The following FLNB variants were observed in gnomAD, a reference collection of about 807,000 sequenced individuals.
FLNB encodes the protein filamin B.
A neutral mutation model predicts 250.6 loss-of-function variants in FLNB; 111 were observed. The ratio of observed to expected loss-of-function variants is 0.44; its 90% confidence interval spans 0.38 to 0.52. The LOEUF (loss-of-function observed/expected upper bound fraction) is 0.52, where lower values mean the gene tolerates loss of function less well. FLNB is among the 20% of genes least tolerant of loss of function. FLNB has a pLI of 0.00. For synonymous variants in FLNB, 1,302 were observed against 1,372.1 expected, an observed-to-expected ratio of 0.95 and a Z score of 1.13; for missense variants, 2,869 against 3,447.8, an observed-to-expected ratio of 0.83 and a Z score of 4.20.
intron 1 of FLNB, among the ~76,000 whole-genome samples, chr3:58,069,174 C>A (rs1233519720): frequency 6.7e-6 from 1 of 149,418 alleles, no homozygotes; most frequent in African/African-American, 2.5e-5. Context: ...AGACCCCTGA[C>A]CCATATGTGC....
At chr3:58,084,270 G>T (rs1239629039) in intron 4 of FLNB, among the ~76,000 whole-genome samples, 2 of 151,842 alleles carry the variant, frequency 1.3e-5, no homozygotes, top group Middle Eastern at 3.2e-3. Flanking sequence ...GACTTTAAAG[G>T]TTATGCTTCC....
intron 1 of FLNB, among the ~76,000 whole-genome samples, chr3:58,076,546 C>G (rs2097201893): frequency 1.3e-5 from 2 of 152,140 alleles, no homozygotes; most frequent in South Asian, 4.1e-4. Context: ...CTTTCACTTC[C>G]CGGGCTCAAG....
rs566792324 is a variant in FLNB at position 58,157,607 on chromosome 3, G to A, written c.6888+1532G>A. On this transcript the variant is annotated intron_variant, in intron 41 of 45. Coordinates refer to ENST00000295956, the MANE Select transcript of FLNB (RefSeq NM_001457.4). ...TTCATTTAAAGGCTTCTTAACAGAA[G>A]TGTCTTTTGTGGCCAACTTAACTAA... 1.2e-4 allele frequency among the ~76,000 whole-genome samples: 18 copies of A among 152,342 alleles called. No individual in the cohort carries two copies. In the South Asian group the frequency reaches 3.7e-3, roughly 32 times the overall value.
intron 1 of FLNB, among the ~76,000 whole-genome samples, chr3:58,011,212 C>T (rs933309030): frequency 6.6e-6 from 1 of 152,092 alleles, no homozygotes; most frequent in South Asian, 2.1e-4. Flanking sequence ...GCGCCCAGCC[C>T]GGTCCTCCTT....
At chr3:58,066,566 G>T (rs193092412) in intron 1 of FLNB, among the ~76,000 whole-genome samples, 1 of 152,216 alleles carries the variant, frequency 6.6e-6, no homozygotes, top group Admixed American at 6.5e-5. Context: ...TGGAATCCTC[G>T]TTTTGACTTT....
At position 58,143,523 on chromosome 3, in the gene FLNB, A is replaced by G; in HGVS notation, c.5335A>G (p.Asn1779Asp). 1 of 1,614,178 alleles carries G rather than the reference A, an allele frequency of 6.2e-7. No individual in the cohort carries two copies. The highest frequency in any genetic ancestry group is 8.5e-7 in the Non-Finnish European group (1 of 1,180,012). Reference protein sequence around the residue: ...GKTATPEIVDNKDGTVTVRYA... With the variant: ...GKTATPEIVDDKDGTVTVRYA... ...GACAGCCACACCTGAGATTGTGGAC[A>G]ACAAGGACGGCACGGTCACTGTTAG... The change falls in exon 32 of 46, where the codon AAC becomes GAC. Residue 1779 changes from asparagine to aspartate, a missense_variant. Physicochemically the swap from Asn to Asp is conservative, Grantham distance 23 (BLOSUM62 1). This residue lies in a region of FLNB where 1,084 missense variants were observed against 1,315.5 expected (regional missense o/e 0.82). Coordinates refer to ENST00000295956, the MANE Select transcript of FLNB (RefSeq NM_001457.4).
intron 1 of FLNB, among the ~76,000 whole-genome samples, chr3:58,030,040 A>G (rs2097128752): frequency 6.6e-6 from 1 of 152,202 alleles, no homozygotes; most frequent in African/African-American, 2.4e-5. Flanking sequence ...ACACTTCCCC[A>G]ATGGAAAGGG....
In FLNB at chr3:58,102,805, T is replaced by G. The variant is rs146573525; in HGVS notation, c.1483+465T>G. ...TATGTCAAGTACTTAATTACTATGA[T>G]CAGTGCTTATAGAAGGAGAATAAAA... On this transcript the variant is annotated intron_variant, in intron 9 of 45. Coordinates refer to ENST00000295956, the MANE Select transcript of FLNB (RefSeq NM_001457.4). Among the ~76,000 whole-genome samples, 63 of 152,360 alleles carry G rather than the reference T, an allele frequency of 4.1e-4. No individual in the cohort carries two copies. The East Asian group carries it at 9.1e-3, about 22-fold the overall frequency.
chr3:58,011,573 A>C (rs1045281237), intron 1 of FLNB, among the ~76,000 whole-genome samples: 7 of 152,180 alleles, frequency 4.6e-5, no homozygotes, highest in Non-Finnish European at 1.0e-4. Flanking sequence ...TTCTTCCCTA[A>C]GCTCTTGAGG....
Position 58,170,606 on chromosome 3 carries a change from G to T in FLNB, c.7653G>T (p.Gly2551=). 2 of 1,614,094 alleles carry T rather than the reference G, an allele frequency of 1.2e-6. No homozygotes were observed. The highest frequency in any genetic ancestry group is 2.2e-5 in the South Asian group (2 of 91,084). Residue 2551 remains glycine (G), a synonymous_variant, in exon 46 of 46, where the codon GGG becomes GGT. Transcript: ENST00000295956. ...ACATGCTGCTGATCGGGGTCCATGGGCCCACCACCCCCTGCGAGGAGGTCT... is the reference window on the plus strand; with the variant it reads ...ACATGCTGCTGATCGGGGTCCATGGTCCCACCACCCCCTGCGAGGAGGTCT... ...GSNMLLIGVH[G]PTTPCEEVSM...
Position 58,031,543 on chromosome 3 carries a change from C to CTTTTTTT in FLNB, c.292+22706_292+22712dup, listed in dbSNP as rs764190111. Among the ~76,000 whole-genome samples the CTTTTTTT allele has an allele frequency of 3.0e-4, 23 of 77,150 alleles. No homozygotes were observed. The South Asian group carries it at 3.5e-3, about 12-fold the overall frequency. 50.6% of individuals were successfully genotyped at this position (77,150 alleles called of 152,430 possible). A position where few individuals can be genotyped will look rare whatever the true frequency, so the allele number is the denominator to read the frequency against. Reference sequence around the variant, plus strand: ...ACAGACGTGAGCCACCGTGCCCTGCCTTTTTTTTTTTTTTTTTTTTTTTTT... The same window carrying CTTTTTTT: ...ACAGACGTGAGCCACCGTGCCCTGCCTTTTTTTTTTTTTTTTTTTTTTTTTTTTTTTT... On this transcript the variant is annotated intron_variant, in intron 1 of 45. Transcript: ENST00000295956.
At chr3:58,136,812 C>T (rs1030651077) in intron 28 of FLNB, among the ~76,000 whole-genome samples, 12 of 126,544 alleles carry the variant, frequency 9.5e-5, no homozygotes, top group East Asian at 2.9e-4. Flanking sequence ...AGTGCAGTGA[C>T]GCAATCTCAG....
At chr3:58,168,698 G>A in intron 44 of FLNB, 40 bp downstream of exon 44, 2 of 1,432,452 alleles carry the variant, frequency 1.4e-6, no homozygotes, top group Non-Finnish European at 9.8e-7. Flanking sequence ...TCCCTTCCTG[G>A]GGAGCTGGTT....
At chr3:58,131,898 A>C in intron 25 of FLNB, 2 of 1,443,136 alleles carry the variant, frequency 1.4e-6, no homozygotes, top group Non-Finnish European at 1.9e-6. Context: ...ATTATGAAGG[A>C]CTCTCAAGTA....
intron 36 of FLNB, 107 bp downstream of exon 36, chr3:58,148,959 C>G: frequency 9.9e-7 from 1 of 1,010,966 alleles, no homozygotes; most frequent in Non-Finnish European, 1.5e-6. Flanking sequence ...TTCTGAGCAT[C>G]CTTCAAGCTA....
chr3:58,141,573 A>G (rs1320625452), intron 29 of FLNB, among the ~76,000 whole-genome samples: 1 of 152,206 alleles, frequency 6.6e-6, no homozygotes, highest in Non-Finnish European at 1.5e-5. Flanking sequence ...CACAGACAGC[A>G]CCAGTCAAGG....
chr3:58,041,553 A>G (rs1017999330), intron 1 of FLNB, among the ~76,000 whole-genome samples: 8 of 152,182 alleles, frequency 5.3e-5, no homozygotes, highest in African/African-American at 1.7e-4. Flanking sequence ...CAGTGGGACT[A>G]GCCCATGAGC....
chr3:58,113,791 G>A (rs971115269), intron 18 of FLNB, among the ~76,000 whole-genome samples: 1 of 152,144 alleles, frequency 6.6e-6, no homozygotes, highest in African/African-American at 2.4e-5. Flanking sequence ...CGATTCTCCT[G>A]CCTCAGCCTC....
At chr3:58,090,583 G>T (rs940991313) in intron 4 of FLNB, among the ~76,000 whole-genome samples, 2 of 152,126 alleles carry the variant, frequency 1.3e-5, no homozygotes, top group Admixed American at 1.3e-4. Context: ...ACGTCAGTAG[G>T]CAACAGGAAT....
Sources: gnomAD v4.1 joint callset for allele counts (sites outside exome capture counted in the v4.1 genomes callset) on GRCh38, gnomAD v4.1.1 for gene constraint, gnomAD v4.1.1 regional missense constraint, MANE v1.5 for transcripts, NCBI Gene and HGNC (gene_info 2026-07-23, HGNC 2026-07-21) for gene names.